Variants in CMPK1 observed in about 807,000 individuals in gnomAD.
The protein encoded by CMPK1 is cytidine/uridine monophosphate kinase 1.
In CMPK1, 10 loss-of-function variants were observed where a neutral mutation model predicts 25.7. That is an observed-to-expected ratio of 0.39 (90% CI 0.24 to 0.66). The LOEUF is 0.66. Among genes scored for constraint, CMPK1 ranks in the 30% least tolerant of loss-of-function variants. The pLI, the probability that CMPK1 is intolerant of heterozygous loss-of-function variation, is 0.48. For synonymous variants in CMPK1, 106 were observed against 101.5 expected, an observed-to-expected ratio of 1.04 and a Z score of -0.27; for missense variants, 199 against 280.5, an observed-to-expected ratio of 0.71 and a Z score of 2.08.
intron 1 of CMPK1, among the ~76,000 whole-genome samples, chr1:47,355,924 T>C (rs1646557942): frequency 6.6e-6 from 1 of 152,192 alleles, no homozygotes; most frequent in Non-Finnish European, 1.5e-5. Flanking sequence ...TTATATGCAA[T>C]ATATAGTATC....
chr1:47,340,677 G>A (rs1557801126), intron 1 of CMPK1, among the ~76,000 whole-genome samples: 1 of 151,828 alleles, frequency 6.6e-6, no homozygotes, highest in Non-Finnish European at 1.5e-5. Flanking sequence ...AGTTTGAGTT[G>A]CCCAGGCTAG....
Position 47,343,867 on chromosome 1 carries a change from A to T in CMPK1, c.171+9751A>T, listed in dbSNP as rs1646463118. 2.0e-5 allele frequency among the ~76,000 whole-genome samples: 3 copies of T among 151,722 alleles called. No homozygotes were observed. In the South Asian group the frequency reaches 6.2e-4, roughly 32 times the overall value. ...GCGCCACTGCACTCCAGCCTGGATG[A>T]CAGAGAGAGACTCCGTCTCAAAAAA... On this transcript the variant is annotated intron_variant, in intron 1 of 5. Coordinates refer to ENST00000371873, the MANE Select transcript of CMPK1 (RefSeq NM_016308.3).
intron 1 of CMPK1, among the ~76,000 whole-genome samples, chr1:47,346,693 G>A (rs1420383453): frequency 6.6e-6 from 1 of 151,770 alleles, no homozygotes; most frequent in African/African-American, 2.4e-5. Context: ...TAGTAGAGAC[G>A]GGGTTTCACC....
Position 47,373,059 on chromosome 1 carries a change from T to A in CMPK1, c.423T>A (p.Asp141Glu). 1 of 1,611,856 alleles carries A rather than the reference T, an allele frequency of 6.2e-7. No homozygotes were observed. Among genetic ancestry groups the A allele is most frequent in the Non-Finnish European group, 8.5e-7 (1 of 1,178,774 alleles). Residue 141 changes from aspartate (D) to glutamate (E), a missense_variant, in exon 3 of 6, where the codon GAT becomes GAA. Physicochemically the swap from Asp to Glu is conservative, Grantham distance 45. This residue lies in a region of CMPK1 where 140 missense variants were observed against 235.5 expected (regional missense o/e 0.59). Coordinates refer to ENST00000371873, the MANE Select transcript of CMPK1 (RefSeq NM_016308.3). ...TTCAAGGATGGAACAAGACCATGGA[T>A]GGGAAGGCAGATGTATCTTTCGTTC... ...DNLQGWNKTM[D>E]GKADVSFVLF... is the part of the protein sequence containing the mutation.
intron 1 of CMPK1, chr1:47,358,978 A>G: frequency 1.0e-6 from 1 of 975,698 alleles, no homozygotes; most frequent in African/African-American, 1.8e-5. Flanking sequence ...GAAATTCCTT[A>G]GGCAAATGAT....
intron 1 of CMPK1, 100 bp downstream of exon 1, chr1:47,334,216 C>G: frequency 1.8e-6 from 2 of 1,125,414 alleles, no homozygotes; most frequent in Non-Finnish European, 2.2e-6. Context: ...CGCCGAGCCG[C>G]AGACTACGAG....
chr1:47,368,635 A>G lies in CMPK1; in HGVS notation c.318+20A>G, dbSNP rs763839232. 1.9e-5 allele frequency: 29 copies of G among 1,507,186 alleles called. No homozygotes were observed. The highest frequency in any genetic ancestry group is 2.2e-5 in the Non-Finnish European group (25 of 1,125,810). 93.4% of individuals were successfully genotyped at this position (1,507,186 alleles called of 1,614,324 possible). On this transcript the variant is annotated intron_variant, in intron 2 of 5. Coordinates refer to ENST00000371873, the MANE Select transcript of CMPK1 (RefSeq NM_016308.3). ...AAGAGGGTAAGGAGTGTGAATGCCA[A>G]CCAGTTCAAACCAGCGAGGAAAGAA...
intron 1 of CMPK1, among the ~76,000 whole-genome samples, chr1:47,335,216 G>A (rs1458638638): frequency 1.3e-5 from 2 of 152,114 alleles, no homozygotes; most frequent in Non-Finnish European, 2.9e-5. Context: ...TTAGCATGGG[G>A]CTTTTGCTTC....
chr1:47,361,062 C>T (rs1646598203), intron 1 of CMPK1, among the ~76,000 whole-genome samples: 1 of 151,934 alleles, frequency 6.6e-6, no homozygotes, highest in South Asian at 2.1e-4. Flanking sequence ...AACATACATC[C>T]CATGTTCATT....
chr1:47,355,082 T>C (rs1570365068), intron 1 of CMPK1, among the ~76,000 whole-genome samples: 1 of 152,064 alleles, frequency 6.6e-6, no homozygotes, highest in East Asian at 1.9e-4. Context: ...ATGGAATCTT[T>C]GTCGCTCAGG....
rs74571135 is a variant in CMPK1, at chr1:47,372,517, G to C, written c.319-438G>C. The stretch of plus-strand genomic sequence containing the variant: ...TTTCCACTATAGCAAAACGACTTGG[G>C]AAGAGCAAAGGGAATAAAGAGAGGG... On this transcript the variant is annotated intron_variant, in intron 2 of 5. Transcript: ENST00000371873. 9.2e-3 allele frequency among the ~76,000 whole-genome samples: 1,397 copies of C among 152,316 alleles called. 14 individuals are homozygous for C. The highest frequency in any genetic ancestry group is 0.017 in the South Asian group (81 of 4,826).
chr1:47,368,290 C>A (rs1018683492), intron 1 of CMPK1, among the ~76,000 whole-genome samples, 179 bp from the exon 2 acceptor site: 1 of 152,072 alleles, frequency 6.6e-6, no homozygotes, highest in African/African-American at 2.4e-5. Context: ...TAAAGATATC[C>A]ATTAAGCAAA....
Position 47,342,041 on chromosome 1 carries a change from G to A in CMPK1, c.171+7925G>A, listed in dbSNP as rs143851096. Reference sequence around the variant, plus strand: ...TCCTCCTGCCTTATCCTTCAGAGTAGCTGGGACTACAGGCTCACACCACCA... The same window carrying A: ...TCCTCCTGCCTTATCCTTCAGAGTAACTGGGACTACAGGCTCACACCACCA... On this transcript the variant is annotated intron_variant, in intron 1 of 5. Coordinates refer to ENST00000371873, the MANE Select transcript of CMPK1 (RefSeq NM_016308.3). 5.2e-3 allele frequency among the ~76,000 whole-genome samples: 793 copies of A among 152,108 alleles called. 2 individuals are homozygous for A. Among genetic ancestry groups the A allele is most frequent in the East Asian group, 0.03 (157 of 5,160 alleles).
At chr1:47,372,857 T>C in intron 2 of CMPK1, 98 bp from the exon 3 acceptor site, 2 of 801,942 alleles carry the variant, frequency 2.5e-6, no homozygotes, top group African/African-American at 1.8e-5. Context: ...ACTTATGGTT[T>C]AAATAATAAT....
chr1:47,353,352 C>T (rs536630295), intron 1 of CMPK1, among the ~76,000 whole-genome samples: 61 of 152,180 alleles, frequency 4.0e-4, no homozygotes, highest in Admixed American at 1.6e-3. Context: ...GTTTTCTGTC[C>T]CCTGTAACTC....
At chr1:47,342,470 C>T (rs1489632948) in intron 1 of CMPK1, among the ~76,000 whole-genome samples, 2 of 152,032 alleles carry the variant, frequency 1.3e-5, no homozygotes, top group Non-Finnish European at 2.9e-5. Context: ...ATAATGTTTA[C>T]CAGCTATCTG....
In CMPK1 at chr1:47,377,664, A is replaced by C. The variant is rs1382070179; in HGVS notation, c.*919A>C. The C allele has an allele frequency of 6.6e-6, 1 of 152,614 alleles. No homozygotes were observed. Among genetic ancestry groups the C allele is most frequent in the South Asian group, 2.1e-4 (1 of 4,832 alleles). The allele number at this position is 152,614 out of a possible 1,614,324, so 9.5% of individuals were successfully genotyped here. A position where few individuals can be genotyped will look rare whatever the true frequency, so the allele number is the denominator to read the frequency against. ...ATTAATTAGAAGAAGCAATCTAGTT[A>C]AATTTCCCATTTGTATTTTATTTTC... On this transcript the variant is annotated 3_prime_UTR_variant, in exon 6 of 6. Transcript: ENST00000371873.
At chr1:47,343,502 C>T (rs934540083) in intron 1 of CMPK1, among the ~76,000 whole-genome samples, 10 of 73,922 alleles carry the variant, frequency 1.4e-4, no homozygotes, top group South Asian at 3.9e-4. Context: ...AGTGAGACTC[C>T]GTCTCAAAAA....
chr1:47,337,622 T>TG (rs1463221815), intron 1 of CMPK1, among the ~76,000 whole-genome samples: 1 of 151,994 alleles, frequency 6.6e-6, no homozygotes, highest in African/African-American at 2.4e-5. Flanking sequence ...TCTATTTTTT[T>TG]TTTTTTTTTG....
Sources: allele counts gnomAD v4.1 joint callset (sites outside exome capture counted in the v4.1 genomes callset), GRCh38; gene constraint gnomAD v4.1.1; regional missense constraint gnomAD v4.1.1; transcripts MANE v1.5; gene names NCBI Gene and HGNC (gene_info 2026-07-23, HGNC 2026-07-21).